Variants in PPM1A observed in about 807,000 individuals in gnomAD.
PPM1A encodes the protein protein phosphatase 1A.
A neutral mutation model predicts 35.0 loss-of-function variants in PPM1A; 7 were observed. The observed-to-expected ratio is 0.20, with a 90% CI of 0.11 to 0.38. PPM1A has a LOEUF of 0.38. Ranked by LOEUF, PPM1A falls within the 10% of genes least tolerant of loss-of-function variation. The pLI, the probability that PPM1A is intolerant of heterozygous loss-of-function variation, is 1.00. For missense variants in PPM1A, 239 were observed against 467.8 expected (o/e 0.51, Z 4.51); for synonymous variants, 153 against 167.3 (o/e 0.91, Z 0.66).
At chr14:60,268,327 A>G (rs1426740847) in intron 1 of PPM1A, 1 of 983,824 alleles carries the variant, frequency 1.0e-6, no homozygotes. Context: ...AATTGAAAAA[A>G]AAAAAATTTG....
chr14:60,255,159 GTTT>G (rs869066455), intron 1 of PPM1A, among the ~76,000 whole-genome samples: 4 of 100,842 alleles, frequency 4.0e-5, no homozygotes, highest in African/African-American at 3.2e-4. Flanking sequence ...TCTATCATAT[GTTT>G]TTTTTTTTTT....
At chr14:60,268,621 A>G (rs1156488620) in intron 1 of PPM1A, among the ~76,000 whole-genome samples, 4 of 150,602 alleles carry the variant, frequency 2.7e-5, no homozygotes, top group African/African-American at 9.8e-5. Context: ...AATATTTAGT[A>G]TACTGATTTT....
intron 1 of PPM1A, among the ~76,000 whole-genome samples, chr14:60,263,987 T>A (rs1429233664): frequency 6.6e-6 from 1 of 152,054 alleles, no homozygotes; most frequent in East Asian, 1.9e-4. Context: ...GAGTTTCATT[T>A]TCCTTTTTAT....
chr14:60,246,302 G>A (rs1004852662), upstream of PPM1A, among the ~76,000 whole-genome samples: 11 of 152,270 alleles, frequency 7.2e-5, 1 homozygote, highest in Middle Eastern at 0.017. Flanking sequence ...AAGGGAAAGA[G>A]AGTATTGCTG....
chr14:60,267,531 GTCTT>G (rs1884535835), intron 1 of PPM1A, among the ~76,000 whole-genome samples: 1 of 151,818 alleles, frequency 6.6e-6, no homozygotes, highest in Non-Finnish European at 1.5e-5. Flanking sequence ...TTTTAGTGCT[GTCTT>G]TGTCAAATTT....
rs1405106572 is a variant in PPM1A at position 60,282,593 on chromosome 14, C to T, written c.-20-91C>T. On this transcript the variant is annotated intron_variant, in intron 1 of 5. Transcript: ENST00000395076. The surrounding 1 kb of genome is among the most constrained non-coding windows in gnomAD (Gnocchi z 5.1). ...CTGCTTATCGCGAGTTGTGAATTCC[C>T]GCATATCTCTTTCACTTATTAAAAA... 2.1e-6 allele frequency: 3 copies of T among 1,462,108 alleles called. No homozygotes were observed. Among genetic ancestry groups the T allele is most frequent in the Admixed American group, 2.2e-5 (1 of 45,270 alleles). The allele number at this position is 1,462,108 out of a possible 1,614,324, so 90.6% of individuals were successfully genotyped here. A position where few individuals can be genotyped will look rare whatever the true frequency, so the allele number is the denominator to read the frequency against.
At chr14:60,286,028 C>T (rs1371804352) in intron 3 of PPM1A, 11 of 1,046,906 alleles carry the variant, frequency 1.1e-5, no homozygotes, top group Non-Finnish European at 1.3e-5. Flanking sequence ...TTAATGAATT[C>T]ACTGGCATGA....
At position 60,249,761 on chromosome 14, in the gene PPM1A, T is replaced by C. The variant is rs955131358; in HGVS notation, c.-21+84T>C. On this transcript the variant is annotated intron_variant, in intron 1 of 5. Transcript: ENST00000395076. The surrounding 1 kb of genome is among the most constrained non-coding windows in gnomAD (Gnocchi z 4.5). ...CGGCGGCGGGCAGGCCTGGGGCCTGTAAACAAGCCGGGCGTCTGCCCGGGC... is the reference window on the plus strand; with the variant it reads ...CGGCGGCGGGCAGGCCTGGGGCCTGCAAACAAGCCGGGCGTCTGCCCGGGC... 1.0e-5 allele frequency: 9 copies of C among 878,742 alleles called. No individual in the cohort carries two copies. Among genetic ancestry groups the C allele is most frequent in the African/African-American group, 1.8e-5 (1 of 54,724 alleles). The allele number at this position is 878,742 out of a possible 1,614,324, so 54.4% of individuals were successfully genotyped here. A position where few individuals can be genotyped will look rare whatever the true frequency, so the allele number is the denominator to read the frequency against.
chr14:60,268,488 A>G, intron 1 of PPM1A: 1 of 724,422 alleles, frequency 1.4e-6, no homozygotes, highest in South Asian at 6.3e-5. Flanking sequence ...TAGTTAGACT[A>G]TTTAGTGGCT....
intron 1 of PPM1A, among the ~76,000 whole-genome samples, chr14:60,253,886 A>G (rs1357646566): frequency 6.6e-6 from 1 of 152,222 alleles, no homozygotes; most frequent in Non-Finnish European, 1.5e-5. Context: ...TAACCTTTGA[A>G]AGAAAGGACA....
At chr14:60,277,492 G>A (rs1351275263) in intron 1 of PPM1A, 1 of 151,836 alleles carries the variant, frequency 6.6e-6, no homozygotes, top group East Asian at 1.9e-4. Context: ...TGGTTACTTG[G>A]TTTGTTACAT....
intron 1 of PPM1A, among the ~76,000 whole-genome samples, chr14:60,269,698 GTTA>G (rs1884854435): frequency 6.6e-6 from 1 of 152,020 alleles, no homozygotes; most frequent in African/African-American, 2.4e-5. Context: ...ACAGGCGTGC[GTTA>G]TTATGCCCGG....
chr14:60,277,059 T>C, intron 1 of PPM1A: 9 of 1,209,194 alleles, frequency 7.4e-6, no homozygotes, highest in Non-Finnish European at 8.5e-6. Flanking sequence ...GTGATGAGAC[T>C]CAGCTTGTAC....
rs1006735983 is a variant in PPM1A at position 60,292,383 on chromosome 14, C to T, written c.1120-70C>T. On this transcript the variant is annotated intron_variant, in intron 5 of 5. Coordinates refer to ENST00000395076, the MANE Select transcript of PPM1A (RefSeq NM_021003.5). The surrounding 1 kb of genome is among the most constrained non-coding windows in gnomAD (Gnocchi z 4.2). ...CAGAACATTATCTTTCTCCATTATC[C>T]AGAAAGTATGGTGTATTTTGGCACC... The T allele has an allele frequency of 8.6e-7, 1 of 1,156,536 alleles. No individual in the cohort carries two copies. Among genetic ancestry groups the T allele is most frequent in the Non-Finnish European group, 1.3e-6 (1 of 771,912 alleles). 71.6% of individuals were successfully genotyped at this position (1,156,536 alleles called of 1,614,324 possible). A position where few individuals can be genotyped will look rare whatever the true frequency, so the allele number is the denominator to read the frequency against.
chr14:60,272,225 ATTAGAG>A (rs1885215682), intron 1 of PPM1A, among the ~76,000 whole-genome samples: 2 of 152,070 alleles, frequency 1.3e-5, no homozygotes, highest in African/African-American at 2.4e-5. Context: ...AAATCATGTT[ATTAGAG>A]TTAAACTAAT....
In PPM1A at chr14:60,297,660, T is replaced by C. The variant is rs1042844283; in HGVS notation, c.*5178T>C. 4.0e-5 allele frequency: 6 copies of C among 151,734 alleles called. No individual in the cohort carries two copies. The highest frequency in any genetic ancestry group is 7.2e-5 in the African/African-American group (3 of 41,410). 9.4% of individuals were successfully genotyped at this position (151,734 alleles called of 1,614,324 possible). ...TTAGTAACGTGCATTTGTATGGTAC[T>C]ATCTAAAGTAAGTTAGATTGATGTA... On this transcript the variant is annotated 3_prime_UTR_variant, in exon 6 of 6. Transcript: ENST00000395076.
chr14:60,262,094 T>G (rs1883807662), intron 1 of PPM1A, among the ~76,000 whole-genome samples: 2 of 152,248 alleles, frequency 1.3e-5, no homozygotes, highest in African/African-American at 4.8e-5. Context: ...ATAATTGATA[T>G]TCATTATTTA....
At chr14:60,266,405 AG>A (rs1352312264) in intron 1 of PPM1A, among the ~76,000 whole-genome samples, 3 of 152,156 alleles carry the variant, frequency 2.0e-5, no homozygotes, top group Non-Finnish European at 4.4e-5. Context: ...CTTTGGAATC[AG>A]TCTTTTCTTG....
chr14:60,246,597 T>C (rs2139283623), upstream of PPM1A, among the ~76,000 whole-genome samples: 1 of 152,340 alleles, frequency 6.6e-6, no homozygotes, highest in South Asian at 2.1e-4. Context: ...AGTCTTACAG[T>C]TCAGAAGAGA....
Sources: allele counts gnomAD v4.1 joint callset (sites outside exome capture counted in the v4.1 genomes callset), GRCh38; gene constraint gnomAD v4.1.1; non-coding constraint Gnocchi (gnomAD v3.1); transcripts MANE v1.5; gene names NCBI Gene and HGNC (gene_info 2026-07-23, HGNC 2026-07-21).